The following TSHZ2 variants were observed in gnomAD, a reference collection of about 807,000 sequenced individuals.
The protein encoded by TSHZ2 is teashirt zinc finger homeobox 2.
In TSHZ2, 21 loss-of-function variants were observed where a neutral mutation model predicts 74.4. The ratio of observed to expected loss-of-function variants is 0.28; its 90% CI spans 0.20 to 0.41. The LOEUF (loss-of-function observed/expected upper bound fraction) is 0.41. TSHZ2 is among the 10% of genes least tolerant of loss of function. TSHZ2 has a pLI of 1.00. For missense variants in TSHZ2, 1,244 were observed against 1,293.5 expected, an observed-to-expected ratio of 0.96 and a Z score of 0.59; for synonymous variants, 540 against 515.3, an observed-to-expected ratio of 1.05 and a Z score of -0.65.
intron 2 of TSHZ2, among the ~76,000 whole-genome samples, chr20:53,430,520 G>C (rs1022167376): frequency 1.3e-5 from 2 of 151,618 alleles, no homozygotes; most frequent in South Asian, 4.2e-4. Context: ...AAATCAAGAA[G>C]GTTATATGTG....
At chr20:53,214,376 G>C (rs775592061) in intron 1 of TSHZ2, among the ~76,000 whole-genome samples, 1 of 152,176 alleles carries the variant, frequency 6.6e-6, no homozygotes, top group Non-Finnish European at 1.5e-5. Context: ...TGGAGGTGGA[G>C]GAAAGTGCAC....
At chr20:53,012,666 ACACACACACATGCACATG>A (rs1982895842) in intron 1 of TSHZ2, among the ~76,000 whole-genome samples, 1 of 152,080 alleles carries the variant, frequency 6.6e-6, no homozygotes, top group African/African-American at 2.4e-5. Context: ...CCAACCACAC[ACACACACACATGCACATG>A]CACACATACA....
rs1254334220 is a variant in TSHZ2, at chr20:53,185,653, C to T, written c.41-67846C>T. 4 of 1,536,056 alleles carry T rather than the reference C, an allele frequency of 2.6e-6. No individual in the cohort carries two copies. The East Asian group carries it at 9.8e-5, about 38-fold the overall frequency. ...AAAAAAAAGAAAGAAAAGATGATGG[C>T]TGCTGCGTTGCTCCATTATACAGGT... On this transcript the variant is annotated intron_variant, in intron 1 of 2. Transcript: ENST00000371497.
intron 1 of TSHZ2, among the ~76,000 whole-genome samples, chr20:53,065,516 T>A (rs1031788193): frequency 2.0e-5 from 3 of 152,234 alleles, no homozygotes; most frequent in African/African-American, 7.2e-5. Flanking sequence ...GTTTCAGGGA[T>A]GTTGCAAACC....
chr20:53,215,868 CAA>C (rs78963941), intron 1 of TSHZ2, among the ~76,000 whole-genome samples: 34 of 83,796 alleles, frequency 4.1e-4, no homozygotes, highest in African/African-American at 6.4e-4. Flanking sequence ...AACTCCGTCT[CAA>C]AAAAAAAAAA....
Position 53,052,045 on chromosome 20 carries a change from A to G in TSHZ2, c.40+78712A>G, listed in dbSNP as rs541598062. On this transcript the variant is annotated intron_variant, in intron 1 of 2. Coordinates refer to ENST00000371497, the MANE Select transcript of TSHZ2 (RefSeq NM_173485.6). ...GTTAAGTATACAGTTTAGAAGTGTC[A>G]TGTATATTTGCATGGTTGTACCACC... Among the ~76,000 whole-genome samples the G allele has an allele frequency of 2.0e-5, 3 of 152,298 alleles. No individual in the cohort carries two copies. In the South Asian group the frequency reaches 6.2e-4, roughly 32 times the overall value.
chr20:53,375,729 C>A (rs1023202654), intron 2 of TSHZ2, among the ~76,000 whole-genome samples: 2 of 152,090 alleles, frequency 1.3e-5, no homozygotes, highest in Admixed American at 1.3e-4. Flanking sequence ...TGCCATTTGC[C>A]CTTTTTAGAA....
At chr20:53,481,958 G>C (rs1471373647) in intron 2 of TSHZ2, among the ~76,000 whole-genome samples, 1 of 151,880 alleles carries the variant, frequency 6.6e-6, no homozygotes, top group African/African-American at 2.4e-5. Context: ...TACAAAATTA[G>C]CCAGGCATGG....
intron 1 of TSHZ2, among the ~76,000 whole-genome samples, chr20:52,984,909 G>T (rs1981698060): frequency 6.6e-6 from 1 of 152,194 alleles, no homozygotes; most frequent in South Asian, 2.1e-4. Flanking sequence ...GACTAGGTTA[G>T]CCATGAATAT....
chr20:53,299,919 GTAAAA>G (rs1252692277), intron 2 of TSHZ2, among the ~76,000 whole-genome samples: 1 of 152,114 alleles, frequency 6.6e-6, no homozygotes, highest in Non-Finnish European at 1.5e-5. Context: ...AACTTAAAAA[GTAAAA>G]TAAAATAAAA....
At chr20:53,468,799 A>C (rs1432164421) in intron 2 of TSHZ2, among the ~76,000 whole-genome samples, 1 of 150,848 alleles carries the variant, frequency 6.6e-6, no homozygotes, top group African/African-American at 2.4e-5. Flanking sequence ...TGAGACACAT[A>C]TTACAAATTG....
At chr20:53,440,969 C>A (rs943712432) in intron 2 of TSHZ2, among the ~76,000 whole-genome samples, 8 of 152,246 alleles carry the variant, frequency 5.3e-5, no homozygotes, top group African/African-American at 1.9e-4. Flanking sequence ...TTGTCACAGA[C>A]TAACAAATAC....
chr20:53,446,983 G>A (rs997857943), intron 2 of TSHZ2, among the ~76,000 whole-genome samples: 5 of 146,198 alleles, frequency 3.4e-5, no homozygotes, highest in African/African-American at 1.2e-4. Flanking sequence ...TCTTGACCTA[G>A]TGGAAACTTA....
intron 1 of TSHZ2, among the ~76,000 whole-genome samples, chr20:53,096,415 T>C (rs966574139): frequency 7.2e-5 from 11 of 152,112 alleles, no homozygotes; most frequent in African/African-American, 2.4e-4. Flanking sequence ...AGTGCTGGGA[T>C]TACAGGCGCG....
intron 1 of TSHZ2, among the ~76,000 whole-genome samples, chr20:53,129,815 C>T (rs1018311159): frequency 6.7e-6 from 1 of 148,520 alleles, no homozygotes; most frequent in Non-Finnish European, 1.5e-5. Context: ...TTTCTGTGGC[C>T]AGCGCTGGCT....
At chr20:53,057,266 C>G (rs1984670020) in intron 1 of TSHZ2, among the ~76,000 whole-genome samples, 1 of 152,154 alleles carries the variant, frequency 6.6e-6, no homozygotes, top group African/African-American at 2.4e-5. Flanking sequence ...CACCTAGTAC[C>G]TTGTAAGCAT....
intron 2 of TSHZ2, among the ~76,000 whole-genome samples, chr20:53,347,115 T>C (rs1980468339): frequency 6.6e-6 from 1 of 152,202 alleles, no homozygotes; most frequent in Non-Finnish European, 1.5e-5. Context: ...TCAACAGCTG[T>C]GAAGGCTTGG....
In TSHZ2 at chr20:53,253,953, T is replaced by C; in HGVS notation, c.495T>C (p.Asp165=). ...CDTRNGSNKS[D]FDWHQDALSK... ...CCCGAAACGGCAGCAACAAGAGTGA[T>C]TTTGATTGGCACCAAGACGCTCTGT... The change falls in exon 2 of 3, where the codon GAT becomes GAC. Residue 165 remains aspartate (D), a synonymous_variant. Transcript: ENST00000371497. 6.2e-7 allele frequency: 1 copy of C among 1,614,078 alleles called. No homozygotes were observed. Among genetic ancestry groups the C allele is most frequent in the Non-Finnish European group, 8.5e-7 (1 of 1,180,006 alleles).
At chr20:53,431,373 T>C (rs6022459) in intron 2 of TSHZ2, among the ~76,000 whole-genome samples, 2,254 of 151,810 alleles carry the variant, frequency 0.015, 64 homozygotes, top group African/African-American at 0.051. Flanking sequence ...GGAGGATCAC[T>C]TGAACCCAGG....
Sources: gnomAD v4.1 joint callset for allele counts (sites outside exome capture counted in the v4.1 genomes callset) on GRCh38, gnomAD v4.1.1 for gene constraint, MANE v1.5 for transcripts, NCBI Gene and HGNC (gene_info 2026-07-23, HGNC 2026-07-21) for gene names.